The following GOLM1 variants were observed in gnomAD, a reference collection of about 807,000 sequenced individuals.
GOLM1 encodes golgi membrane protein 1, also known as epididymis luminal protein 46.
In GOLM1, 31 loss-of-function variants were observed where a neutral mutation model predicts 50.5. That is an observed-to-expected ratio of 0.61 (90% CI 0.46 to 0.83). The LOEUF is 0.83. Among genes scored for constraint, GOLM1 ranks in the 40% least tolerant of loss-of-function variants. GOLM1 has a pLI of 0.00. For missense variants in GOLM1, 491 were observed against 501.3 expected, an observed-to-expected ratio of 0.98 and a Z score of 0.20; for synonymous variants, 178 against 192.8, an observed-to-expected ratio of 0.92 and a Z score of 0.64.
At chr9:86,058,397 C>G (rs1222046424) in intron 3 of GOLM1, among the ~76,000 whole-genome samples, 1 of 152,210 alleles carries the variant, frequency 6.6e-6, no homozygotes. Flanking sequence ...CACTTCACAT[C>G]TATCAGTATG....
At chr9:86,033,566 A>G (rs1833047352) in intron 8 of GOLM1, among the ~76,000 whole-genome samples, 171 bp from the exon 9 acceptor site, 1 of 152,222 alleles carries the variant, frequency 6.6e-6, no homozygotes, top group African/African-American at 2.4e-5. Flanking sequence ...AAGCACATGC[A>G]TTATGTGTAC....
intron 5 of GOLM1, among the ~76,000 whole-genome samples, chr9:86,043,846 GATT>G (rs1412638477): frequency 1.3e-5 from 2 of 152,166 alleles, no homozygotes; most frequent in Non-Finnish European, 2.9e-5. Context: ...GATCCTGACT[GATT>G]GCCAGCTAGG....
In GOLM1 at chr9:86,027,266, G is replaced by A. The variant is rs896848050; in HGVS notation, c.*551C>T. 6.1e-6 allele frequency: 6 copies of A among 985,304 alleles called. No homozygotes were observed. In the East Asian group the frequency reaches 6.8e-4, roughly 112 times the overall value. The allele number at this position is 985,304 out of a possible 1,614,324, so 61.0% of individuals were successfully genotyped here. ...TTAGACTTAAAGCTGTTGCTACTTT[G>A]CTAGTGACGTTTGTGTTAACAGTCA... On this transcript the variant is annotated 3_prime_UTR_variant, in exon 10 of 10. Coordinates refer to ENST00000388712, the MANE Select transcript of GOLM1 (RefSeq NM_016548.4).
intron 3 of GOLM1, among the ~76,000 whole-genome samples, chr9:86,055,524 G>C (rs1833959862): frequency 6.6e-6 from 1 of 152,196 alleles, no homozygotes; most frequent in South Asian, 2.1e-4. Flanking sequence ...GTTACCAAGA[G>C]GCGAATGCAA....
In GOLM1 at chr9:86,039,760, C is replaced by G. The variant is rs187777136; in HGVS notation, c.597+979G>C. 6.2e-3 allele frequency among the ~76,000 whole-genome samples: 937 copies of G among 152,060 alleles called. 13 individuals are homozygous for G. Among genetic ancestry groups the G allele is most frequent in the South Asian group, 0.033 (159 of 4,808 alleles). On this transcript the variant is annotated intron_variant, in intron 6 of 9. Coordinates refer to ENST00000388712, the MANE Select transcript of GOLM1 (RefSeq NM_016548.4). ...AGGTGGGTGGATCACTTGAGGTCAG[C>G]CGTTCAAGACCAGCCTGGCCAACAT...
At position 86,041,621 on chromosome 9, in the gene GOLM1, A is replaced by G. The variant is rs375687979; in HGVS notation, c.468-753T>C. On this transcript the variant is annotated intron_variant, in intron 5 of 9. Coordinates refer to ENST00000388712, the MANE Select transcript of GOLM1 (RefSeq NM_016548.4). The stretch of plus-strand genomic sequence containing the variant: ...TGGGCTGTTCTGTAAAAGTCAAAAC[A>G]GCTTTCCTGAATCATGTGACAGTCA... 1.2e-3 allele frequency among the ~76,000 whole-genome samples: 187 copies of G among 152,296 alleles called. 4 individuals are homozygous for G. In the South Asian group the frequency reaches 0.033, roughly 26 times the overall value.
chr9:86,093,879 G>C (rs1281249672), intron 1 of GOLM1, among the ~76,000 whole-genome samples: 1 of 152,206 alleles, frequency 6.6e-6, no homozygotes, highest in Non-Finnish European at 1.5e-5. Flanking sequence ...CGTCAGATTA[G>C]CATGTTTGAC....
chr9:86,066,940 CTATTAT>C (rs1227538044), intron 3 of GOLM1, among the ~76,000 whole-genome samples: 3 of 150,404 alleles, frequency 2.0e-5, no homozygotes, highest in Middle Eastern at 3.5e-3. Flanking sequence ...ATTATTATTA[CTATTAT>C]TATTATTATT....
intron 1 of GOLM1, among the ~76,000 whole-genome samples, chr9:86,098,390 C>G (rs905398879): frequency 3.9e-5 from 6 of 152,188 alleles, no homozygotes; most frequent in Non-Finnish European, 7.3e-5. Context: ...TTGAGCCAAC[C>G]TGATGGCCAT....
At chr9:86,092,338 T>C (rs778880512) in intron 1 of GOLM1, among the ~76,000 whole-genome samples, 1 of 152,236 alleles carries the variant, frequency 6.6e-6, no homozygotes, top group Non-Finnish European at 1.5e-5. Flanking sequence ...TCCATAACCA[T>C]TCTACTTTAT....
chr9:86,097,739 T>A (rs1162643961), intron 1 of GOLM1, among the ~76,000 whole-genome samples: 5 of 152,146 alleles, frequency 3.3e-5, no homozygotes, highest in African/African-American at 1.2e-4. Flanking sequence ...GTACTTCCAA[T>A]GCAGAAAGCC....
chr9:86,037,675 A>T lies in GOLM1; in HGVS notation c.598-1168T>A, dbSNP rs180884190. 1.7e-3 allele frequency among the ~76,000 whole-genome samples: 253 copies of T among 152,256 alleles called. 1 individual carries two copies. Among genetic ancestry groups the T allele is most frequent in the African/African-American group, 3.9e-3 (163 of 41,560 alleles). ...TATCAGCTCTTCTTGGATCCATAGGAGAGGTGAGGACAGAGTGTAAATCAC... is the reference window on the plus strand; with the variant it reads ...TATCAGCTCTTCTTGGATCCATAGGTGAGGTGAGGACAGAGTGTAAATCAC... On this transcript the variant is annotated intron_variant, in intron 6 of 9. Coordinates refer to ENST00000388712, the MANE Select transcript of GOLM1 (RefSeq NM_016548.4).
At chr9:86,054,232 C>G (rs1337233817) in intron 3 of GOLM1, among the ~76,000 whole-genome samples, 1 of 151,870 alleles carries the variant, frequency 6.6e-6, no homozygotes, top group Non-Finnish European at 1.5e-5. Flanking sequence ...ATGCCAGGAG[C>G]TCTTCTAAGC....
At position 86,090,493 on chromosome 9, in the gene GOLM1, A is replaced by G. The variant is rs113104988; in HGVS notation, c.-22+8918T>C. Among the ~76,000 whole-genome samples, 4 of 152,304 alleles carry G rather than the reference A, an allele frequency of 2.6e-5. 1 individual carries two copies. The highest frequency in any genetic ancestry group is 9.6e-5 in the African/African-American group (4 of 41,576). On this transcript the variant is annotated intron_variant, in intron 1 of 9. Coordinates refer to ENST00000388712, the MANE Select transcript of GOLM1 (RefSeq NM_016548.4). ...GGCCACAGTGGCTTTGCCGAGCTGC[A>G]GTGGGCTCTACCCAGTTCGAACTGG... is the stretch of plus-strand genomic sequence containing the variant.
chr9:86,092,233 T>C (rs973160994), intron 1 of GOLM1, among the ~76,000 whole-genome samples: 11 of 152,244 alleles, frequency 7.2e-5, no homozygotes, highest in Non-Finnish European at 1.5e-4. Context: ...TCAACAAATG[T>C]TGACAACTAT....
intron 6 of GOLM1, 23 bp from the exon 7 acceptor site, chr9:86,036,530 C>A (rs1833152656): frequency 6.2e-7 from 1 of 1,611,912 alleles, no homozygotes; most frequent in South Asian, 1.1e-5. Context: ...CACAGGACAG[C>A]CAGCCAGGGC....
intron 3 of GOLM1, among the ~76,000 whole-genome samples, chr9:86,058,997 C>CA (rs1178147344): frequency 2.7e-5 from 4 of 150,864 alleles, no homozygotes; most frequent in East Asian, 1.9e-4. Flanking sequence ...GACTCTGTCT[C>CA]AAAAAAATAA....
At position 86,027,085 on chromosome 9, in the gene GOLM1, G is replaced by A. The variant is rs764878799; in HGVS notation, c.*732C>T. 19 of 985,232 alleles carry A rather than the reference G, an allele frequency of 1.9e-5. No individual in the cohort carries two copies. In the South Asian group the frequency reaches 7.5e-4, roughly 39 times the overall value. The allele number at this position is 985,232 out of a possible 1,614,324, so 61.0% of individuals were successfully genotyped here. ...TGCTTTTCTTGGTAATATATATTTA[G>A]GGAAGATGTTGCTTTGCCCACACAC... On this transcript the variant is annotated 3_prime_UTR_variant, in exon 10 of 10. Coordinates refer to ENST00000388712, the MANE Select transcript of GOLM1 (RefSeq NM_016548.4).
chr9:86,081,261 A>C (rs1834776110), intron 1 of GOLM1, among the ~76,000 whole-genome samples: 1 of 144,186 alleles, frequency 6.9e-6, no homozygotes. Flanking sequence ...CAATGGTGTG[A>C]TCTCAGCTCA....
Sources: allele counts gnomAD v4.1 joint callset (sites outside exome capture counted in the v4.1 genomes callset), GRCh38; gene constraint gnomAD v4.1.1; transcripts MANE v1.5; gene names NCBI Gene and HGNC (gene_info 2026-07-23, HGNC 2026-07-21).